PPTC7: variants seen among roughly 807,000 people sequenced by gnomAD.
PPTC7 encodes protein phosphatase PTC7 homolog.
A neutral mutation model predicts 30.8 loss-of-function variants in PPTC7; 6 were observed. The ratio of observed to expected loss-of-function variants is 0.19; its 90% CI spans 0.11 to 0.38. The LOEUF (loss-of-function observed/expected upper bound fraction) is 0.38. PPTC7 is among the 10% of genes least tolerant of loss of function. The pLI is 1.00. For missense variants in PPTC7, 218 were observed against 404.8 expected (o/e 0.54, Z 3.96); for synonymous variants, 163 against 168.1 (o/e 0.97, Z 0.23).
intron 3 of PPTC7, among the ~76,000 whole-genome samples, chr12:110,541,799 A>G (rs977761701): frequency 6.6e-6 from 1 of 151,972 alleles, no homozygotes; most frequent in Non-Finnish European, 1.5e-5. Context: ...CAAAGTGGTC[A>G]TCATACGTAG....
At chr12:110,560,130 T>C (rs2064426261) in intron 1 of PPTC7, among the ~76,000 whole-genome samples, 1 of 152,206 alleles carries the variant, frequency 6.6e-6, no homozygotes, top group Non-Finnish European at 1.5e-5. Flanking sequence ...CCAGGCGTGG[T>C]AGCTCATACC....
chr12:110,571,552 T>G (rs544731002), intron 1 of PPTC7, among the ~76,000 whole-genome samples: 1 of 152,314 alleles, frequency 6.6e-6, no homozygotes, highest in East Asian at 1.9e-4. Context: ...CAGTATTAAT[T>G]GACTTCACGA....
At chr12:110,582,561 G>T (rs1207167626) in intron 1 of PPTC7, among the ~76,000 whole-genome samples, 1 of 152,178 alleles carries the variant, frequency 6.6e-6, no homozygotes, top group Non-Finnish European at 1.5e-5. Context: ...TCACACTCTC[G>T]GGTTGTGACC....
chr12:110,582,553 A>T (rs2064646993), intron 1 of PPTC7, among the ~76,000 whole-genome samples: 1 of 152,204 alleles, frequency 6.6e-6, no homozygotes, highest in South Asian at 2.1e-4. Flanking sequence ...CAGACCGGTC[A>T]CACTCTCGGG....
At chr12:110,559,535 G>A (rs2064419581) in intron 1 of PPTC7, among the ~76,000 whole-genome samples, 1 of 151,536 alleles carries the variant, frequency 6.6e-6, no homozygotes, top group African/African-American at 2.4e-5. Context: ...AGACCAGCCT[G>A]TCCAACATGG....
chr12:110,548,283 T>C (rs2064324847), intron 2 of PPTC7, among the ~76,000 whole-genome samples: 1 of 152,224 alleles, frequency 6.6e-6, no homozygotes, highest in Non-Finnish European at 1.5e-5. Flanking sequence ...TTTAGTGGGA[T>C]CATGGGTAAT....
At chr12:110,542,107 G>A (rs1160021311) in intron 3 of PPTC7, among the ~76,000 whole-genome samples, 4 of 151,612 alleles carry the variant, frequency 2.6e-5, no homozygotes, top group Non-Finnish European at 4.4e-5. Context: ...CTGAGATGGC[G>A]CCACTGCACT....
chr12:110,539,588 G>A (rs929391665), intron 4 of PPTC7, among the ~76,000 whole-genome samples: 2 of 152,146 alleles, frequency 1.3e-5, no homozygotes, highest in South Asian at 4.1e-4. Context: ...ATACAAACAA[G>A]AAATGCCCTC....
intron 2 of PPTC7, among the ~76,000 whole-genome samples, chr12:110,548,735 G>C (rs1411236049): frequency 6.6e-6 from 1 of 152,194 alleles, no homozygotes; most frequent in Non-Finnish European, 1.5e-5. Flanking sequence ...GCTATCCTTT[G>C]CTACCCTGCG....
intron 1 of PPTC7, among the ~76,000 whole-genome samples, chr12:110,561,948 A>AC (rs924069137): frequency 7.9e-5 from 12 of 151,916 alleles, no homozygotes; most frequent in Middle Eastern, 3.4e-3. Context: ...CTCAAAAAAA[A>AC]CCCCAACAAA....
chr12:110,560,410 A>AT (rs2064429605), intron 1 of PPTC7, among the ~76,000 whole-genome samples: 1 of 152,082 alleles, frequency 6.6e-6, no homozygotes, highest in African/African-American at 2.4e-5. Flanking sequence ...TCAAAAAATA[A>AT]AAAATAAAAA....
chr12:110,573,171 C>T (rs1036540512), intron 1 of PPTC7, among the ~76,000 whole-genome samples: 2 of 152,170 alleles, frequency 1.3e-5, no homozygotes, highest in African/African-American at 2.4e-5. Flanking sequence ...TGAGCCACCA[C>T]GTCCGGCCCT....
chr12:110,563,800 T>TA (rs1365545540), intron 1 of PPTC7, among the ~76,000 whole-genome samples: 1 of 152,222 alleles, frequency 6.6e-6, no homozygotes, highest in Non-Finnish European at 1.5e-5. Flanking sequence ...CACATACACT[T>TA]ACACCTATGT....
At chr12:110,538,355 G>A in intron 4 of PPTC7, 82 bp from the exon 5 acceptor site, 2 of 1,358,382 alleles carry the variant, frequency 1.5e-6, no homozygotes, top group Middle Eastern at 2.2e-4. Context: ...CATCATGTAA[G>A]TTTTATTCTA....
At chr12:110,548,405 C>T (rs920529763) in intron 2 of PPTC7, among the ~76,000 whole-genome samples, 1 of 152,104 alleles carries the variant, frequency 6.6e-6, no homozygotes, top group African/African-American at 2.4e-5. Context: ...ACAGTATATG[C>T]GTTAGTACTA....
At chr12:110,548,783 T>A (rs1286531357) in intron 2 of PPTC7, among the ~76,000 whole-genome samples, 1 of 152,048 alleles carries the variant, frequency 6.6e-6, no homozygotes. Context: ...ACAGTCCTGG[T>A]GAGTGACTGA....
intron 1 of PPTC7, among the ~76,000 whole-genome samples, chr12:110,560,094 A>G (rs368542332): frequency 2.0e-5 from 3 of 152,204 alleles, no homozygotes; most frequent in African/African-American, 7.2e-5. Context: ...CCAAAATGGT[A>G]TAACCATGTA....
At chr12:110,564,763 T>C (rs188199452) in intron 1 of PPTC7, among the ~76,000 whole-genome samples, 37 of 151,870 alleles carry the variant, frequency 2.4e-4, no homozygotes, top group Middle Eastern at 3.4e-3. Context: ...TACACATATA[T>C]ATACACGTAT....
intron 3 of PPTC7, among the ~76,000 whole-genome samples, chr12:110,543,574 A>G (rs1232438210): frequency 1.3e-5 from 2 of 151,814 alleles, no homozygotes; most frequent in African/African-American, 2.4e-5. Context: ...GTGTAGATTA[A>G]TGACCAGGTT....
Sources: allele counts gnomAD v4.1 joint callset (sites outside exome capture counted in the v4.1 genomes callset), GRCh38; gene constraint gnomAD v4.1.1; transcripts MANE v1.5; gene names NCBI Gene and HGNC (gene_info 2026-07-23, HGNC 2026-07-21).